The following PIK3C2G variants were observed in gnomAD, a reference collection of about 807,000 sequenced individuals.
The protein encoded by PIK3C2G is phosphatidylinositol-4-phosphate 3-kinase catalytic subunit type 2 gamma, also known as phosphatidylinositol 3-kinase C2 domain-containing subunit gamma.
In PIK3C2G, 168 loss-of-function variants were observed where a neutral mutation model predicts 181.1. That is an observed-to-expected ratio of 0.93 (90% CI 0.82 to 1.05). The LOEUF (loss-of-function observed/expected upper bound fraction) is 1.05. PIK3C2G is among the 50% of genes least tolerant of loss of function. The pLI, the probability that PIK3C2G is intolerant of heterozygous loss-of-function variation, is 0.00. For synonymous variants in PIK3C2G, 573 were observed against 592.2 expected, an observed-to-expected ratio of 0.97 and a Z score of 0.47; for missense variants, 1,869 against 1,732.8, an observed-to-expected ratio of 1.08 and a Z score of -1.40.
chr12:18,693,760 C>T, the PIK3C2G span: 2 of 1,517,430 alleles, frequency 1.3e-6, no homozygotes, highest in Non-Finnish European at 1.8e-6. Flanking sequence ...TGAAAGCTAT[C>T]ATGGCCACAA....
intron 28 of PIK3C2G, among the ~76,000 whole-genome samples, chr12:18,565,808 G>C (rs1253047106): frequency 6.6e-6 from 1 of 152,038 alleles, no homozygotes; most frequent in East Asian, 1.9e-4. Context: ...GTAGACTTCT[G>C]TTTTGTTCTA....
chr12:18,395,084 C>CT lies in PIK3C2G; in HGVS notation c.2126+3834dup, dbSNP rs1353162233. Among the ~76,000 whole-genome samples, 6 of 141,580 alleles carry CT rather than the reference C, an allele frequency of 4.2e-5. No individual in the cohort carries two copies. The Admixed American group carries it at 4.3e-4, about 10-fold the overall frequency. The allele number at this position is 141,580 out of a possible 152,430, so 92.9% of individuals were successfully genotyped here. On this transcript the variant is annotated intron_variant, in intron 15 of 32. Coordinates refer to ENST00000538779, the MANE Select transcript of PIK3C2G (RefSeq NM_001288772.2). ...CCTTCTTTCCCTGCCTCTTTCATTC[C>CT]TTCTTTCTTTCTTTCTTTCATTCTT...
intron 18 of PIK3C2G, among the ~76,000 whole-genome samples, chr12:18,482,226 T>C (rs937261018): frequency 7.5e-6 from 1 of 134,018 alleles, no homozygotes; most frequent in African/African-American, 2.8e-5. Flanking sequence ...ATAGAAGATA[T>C]GATCTGTTAT....
chr12:18,345,131 T>G (rs1939546628), intron 10 of PIK3C2G, among the ~76,000 whole-genome samples: 1 of 152,138 alleles, frequency 6.6e-6, no homozygotes, highest in African/African-American at 2.4e-5. Context: ...GCTTCCTGCT[T>G]CAGTATACCA....
Position 18,616,988 on chromosome 12 carries a change from C to T in PIK3C2G, c.4182+7359C>T, listed in dbSNP as rs11610346. Among the ~76,000 whole-genome samples, 1,056 of 152,176 alleles carry T rather than the reference C, an allele frequency of 6.9e-3. 7 individuals are homozygous for T. Among genetic ancestry groups the T allele is most frequent in the African/African-American group, 9.2e-3 (384 of 41,534 alleles). On this transcript the variant is annotated intron_variant, in intron 31 of 32. Coordinates refer to ENST00000538779, the MANE Select transcript of PIK3C2G (RefSeq NM_001288772.2). ...ATTAAAATGTAAATGCTGGCAGTCA[C>T]GCAATTCCTGAATTAAAACTCTAAT...
At chr12:18,271,515 G>T (rs1363696081) in intron 1 of PIK3C2G, among the ~76,000 whole-genome samples, 1 of 152,050 alleles carries the variant, frequency 6.6e-6, no homozygotes, top group Non-Finnish European at 1.5e-5. Flanking sequence ...ATATATGCAG[G>T]TCTCATCAGG....
upstream of PIK3C2G, among the ~76,000 whole-genome samples, chr12:18,243,374 T>C (rs1948005422): frequency 6.6e-6 from 1 of 152,018 alleles, no homozygotes. Context: ...AATTAAATTG[T>C]TGGTGATCTT....
the PIK3C2G span, among the ~76,000 whole-genome samples, chr12:18,679,576 C>T: frequency 1.3e-5 from 2 of 152,020 alleles, no homozygotes; most frequent in African/African-American, 4.8e-5. Flanking sequence ...TGCCTGTAAA[C>T]ATTGCCTCAA....
At chr12:18,303,192 CTT>C (rs1335237411) in intron 5 of PIK3C2G, among the ~76,000 whole-genome samples, 2 of 136,366 alleles carry the variant, frequency 1.5e-5, no homozygotes, top group African/African-American at 5.6e-5. Context: ...TCTCTTCTTT[CTT>C]TCTTTTCCTT....
At chr12:18,601,899 G>A (rs749910117) in intron 30 of PIK3C2G, among the ~76,000 whole-genome samples, 3 of 152,100 alleles carry the variant, frequency 2.0e-5, no homozygotes, top group Non-Finnish European at 4.4e-5. Flanking sequence ...AGCTCGCTGG[G>A]TCCCCAAGCA....
intron 18 of PIK3C2G, among the ~76,000 whole-genome samples, chr12:18,432,258 A>G (rs921540265): frequency 1.3e-5 from 2 of 152,200 alleles, no homozygotes; most frequent in Non-Finnish European, 2.9e-5. Context: ...GCATCAATGT[A>G]TCACTGGTTT....
the PIK3C2G span, among the ~76,000 whole-genome samples, chr12:18,668,239 TC>T: frequency 3.3e-5 from 5 of 152,218 alleles, no homozygotes; most frequent in African/African-American, 4.8e-5. Flanking sequence ...GCCCATTATT[TC>T]TTAAGAAGAA....
At position 18,290,899 on chromosome 12, in the gene PIK3C2G, G is replaced by T; in HGVS notation, c.806G>T (p.Gly269Val). Reference sequence around the variant, plus strand: ...GCAGCTGATGTTAATTTCAATTCTGGGAAGATCTGGAGCACTACTACAGCA... The same window carrying T: ...GCAGCTGATGTTAATTTCAATTCTGTGAAGATCTGGAGCACTACTACAGCA... Reference protein sequence around the residue: ...YHAADVNFNSGKIWSTTTAFP... With the variant: ...YHAADVNFNSVKIWSTTTAFP... Residue 269 changes from glycine to valine, a missense_variant, in exon 4 of 33, where the codon GGG becomes GTG. Transcript: ENST00000538779. 6.2e-7 allele frequency: 1 copy of T among 1,601,886 alleles called. No individual in the cohort carries two copies.
At chr12:18,345,800 G>T (rs1208769409) in intron 10 of PIK3C2G, among the ~76,000 whole-genome samples, 2 of 151,908 alleles carry the variant, frequency 1.3e-5, no homozygotes, top group African/African-American at 4.8e-5. Flanking sequence ...ACTATATAGG[G>T]AATTGCATGT....
intron 31 of PIK3C2G, 133 bp downstream of exon 31, chr12:18,609,762 CA>C (rs1254117418): frequency 3.4e-6 from 2 of 593,880 alleles, no homozygotes; most frequent in African/African-American, 1.9e-5. Flanking sequence ...AACAATGAGC[CA>C]ATTACAATAT....
chr12:18,335,748 T>C (rs905057191), intron 8 of PIK3C2G, among the ~76,000 whole-genome samples: 2 of 152,160 alleles, frequency 1.3e-5, no homozygotes, highest in African/African-American at 4.8e-5. Context: ...AATTTTACAA[T>C]TGCAATCTTT....
At chr12:18,717,661 C>A in the PIK3C2G span, among the ~76,000 whole-genome samples, 1 of 152,116 alleles carries the variant, frequency 6.6e-6, no homozygotes, top group African/African-American at 2.4e-5. Context: ...CAATGGGCTT[C>A]TCTCTTGGGC....
intron 9 of PIK3C2G, among the ~76,000 whole-genome samples, chr12:18,340,021 T>C (rs969495894): frequency 2.0e-5 from 3 of 152,152 alleles, no homozygotes; most frequent in African/African-American, 7.2e-5. Flanking sequence ...TACTTTCCAA[T>C]TATAGAAGGA....
intron 24 of PIK3C2G, among the ~76,000 whole-genome samples, chr12:18,524,563 CT>C (rs112957471): frequency 0.021 from 2,989 of 140,256 alleles, 86 homozygotes; most frequent in African/African-American, 0.07. Flanking sequence ...CCTCAGTTTT[CT>C]TTTTTTTTTT....
Sources: gnomAD v4.1 joint callset for allele counts (sites outside exome capture counted in the v4.1 genomes callset) on GRCh38, gnomAD v4.1.1 for gene constraint, MANE v1.5 for transcripts, NCBI Gene and HGNC (gene_info 2026-07-23, HGNC 2026-07-21) for gene names.